PSMD3: variants seen among roughly 807,000 people sequenced by gnomAD.
PSMD3 encodes 26S proteasome non-ATPase regulatory subunit 3.
Under a neutral mutation model 62.8 loss-of-function variants are expected in PSMD3, and 5 were observed. The observed-to-expected ratio is 0.08, with a 90% confidence interval of 0.04 to 0.17. The LOEUF (loss-of-function observed/expected upper bound fraction) is 0.17. PSMD3 is among the 10% of genes least tolerant of loss of function. The pLI is 1.00. For missense variants in PSMD3, 524 were observed against 713.6 expected (o/e 0.73, Z 3.03); for synonymous variants, 265 against 283.9 (o/e 0.93, Z 0.67).
intron 3 of PSMD3, among the ~76,000 whole-genome samples, chr17:39,987,345 G>A (rs962123168): frequency 5.3e-5 from 8 of 152,174 alleles, no homozygotes; most frequent in African/African-American, 1.9e-4. Context: ...CACTATTTTT[G>A]GTTGTTGTTT....
intron 1 of PSMD3, among the ~76,000 whole-genome samples, chr17:39,983,172 A>G (rs1980428545): frequency 6.6e-6 from 1 of 151,908 alleles, no homozygotes; most frequent in Admixed American, 6.6e-5. Flanking sequence ...AGCTGGGATT[A>G]CGGTCACCCA....
chr17:39,994,767 G>T, intron 6 of PSMD3, 187 bp from the exon 7 acceptor site: 1 of 602,832 alleles, frequency 1.7e-6, no homozygotes, highest in South Asian at 2.0e-5. Context: ...CCAGCACCCG[G>T]CTCCAAAGGC....
chr17:39,997,657 G>C lies in PSMD3; in HGVS notation c.*76G>C, dbSNP rs933627755. On this transcript the variant is annotated 3_prime_UTR_variant, in exon 12 of 12. Coordinates refer to ENST00000264639, the MANE Select transcript of PSMD3 (RefSeq NM_002809.4). ...TTGGGGGTCCCCTGCCCAGGGCACTGTCCCCATTTTCCCACACACAGCTCA... is the reference window on the plus strand; with the variant it reads ...TTGGGGGTCCCCTGCCCAGGGCACTCTCCCCATTTTCCCACACACAGCTCA... 2.0e-6 allele frequency: 3 copies of C among 1,505,216 alleles called. No individual in the cohort carries two copies. Among genetic ancestry groups the C allele is most frequent in the Non-Finnish European group, 2.7e-6 (3 of 1,095,180 alleles). The allele number at this position is 1,505,216 out of a possible 1,614,324, so 93.2% of individuals were successfully genotyped here.
At position 39,981,173 on chromosome 17, in the gene PSMD3, A is replaced by G; in HGVS notation, c.203A>G (p.Asp68Gly). Residue 68 changes from aspartate (D) to glycine (G), a missense_variant, in exon 1 of 12, where the codon GAC (aspartate) becomes GGC (glycine). This residue lies in a region of PSMD3 where 396 missense variants were observed against 475.8 expected (regional missense o/e 0.83). Transcript: ENST00000264639. ...GCTGAGCACTCCCAGCGAGAGCTGG[A>G]CACAGTCACCTTGGAGGGTACGGCA... Reference protein sequence around the residue: ...AAAEHSQRELDTVTLEDIKEH... With the variant: ...AAAEHSQRELGTVTLEDIKEH... 6.4e-7 allele frequency: 1 copy of G among 1,550,910 alleles called. No homozygotes were observed. The highest frequency in any genetic ancestry group is 8.7e-7 in the Non-Finnish European group (1 of 1,146,862).
Position 39,986,731 on chromosome 17 carries a change from G to A in PSMD3, c.549+19G>A. ...CAAAGAGGTATCCAGGATGCAGTGA[G>A]AGCGATTCATAAGCCCCAAGTGATG... is the stretch of plus-strand genomic sequence containing the variant. On this transcript the variant is annotated intron_variant, in intron 3 of 11. Coordinates refer to ENST00000264639, the MANE Select transcript of PSMD3 (RefSeq NM_002809.4). The A allele has an allele frequency of 6.2e-7, 1 of 1,613,624 alleles. No homozygotes were observed. The highest frequency in any genetic ancestry group is 1.3e-5 in the African/African-American group (1 of 75,032).
In PSMD3 at chr17:39,988,827, C is replaced by G. The variant is rs765351294; in HGVS notation, c.686+8C>G. ...GCTGGATGTGGTGCGCAGGTACAGG[C>G]AGCCAAGCATCTCACTTGGGGTCCG... On this transcript the variant is annotated splice_region_variant and intron_variant, in intron 4 of 11. Transcript: ENST00000264639. 6.2e-7 allele frequency: 1 copy of G among 1,613,144 alleles called. No individual in the cohort carries two copies. Among genetic ancestry groups the G allele is most frequent in the Non-Finnish European group, 8.5e-7 (1 of 1,179,970 alleles).
At position 39,997,302 on chromosome 17, in the gene PSMD3, C is replaced by T. The variant is rs369763892; in HGVS notation, c.1477-28C>T. 13 of 1,612,380 alleles carry T rather than the reference C, an allele frequency of 8.1e-6. No homozygotes were observed. In the Admixed American group the frequency reaches 2.0e-4, roughly 25 times the overall value. On this transcript the variant is annotated intron_variant, in intron 10 of 11. Coordinates refer to ENST00000264639, the MANE Select transcript of PSMD3 (RefSeq NM_002809.4). ...GTGCCTCACCTGCTTCCTTCCCTCG[C>T]TCATCTCCTCTCTTTGCTGTGCCCC... is the stretch of plus-strand genomic sequence containing the variant.
chr17:39,990,221 C>A, intron 6 of PSMD3, 24 bp downstream of exon 6: 1 of 1,473,728 alleles, frequency 6.8e-7, no homozygotes, highest in South Asian at 1.3e-5. Flanking sequence ...ACCATCATCC[C>A]TTTGCCTCTT....
At position 39,984,376 on chromosome 17, in the gene PSMD3, G is replaced by C. The variant is rs1243391016; in HGVS notation, c.303G>C (p.Leu101=). ...PRFVLRALRM[L]PSTSRRLNHY... ...TCGTGCTGCGGGCCCTGCGGATGCT[G>C]CCTTCCACATCACGCCGCCTCAACC... Residue 101 remains leucine, a synonymous_variant, in exon 2 of 12, where the codon CTG becomes CTC. Coordinates refer to ENST00000264639, the MANE Select transcript of PSMD3 (RefSeq NM_002809.4). 1.9e-6 allele frequency: 3 copies of C among 1,613,706 alleles called. No individual in the cohort carries two copies. Among genetic ancestry groups the C allele is most frequent in the Non-Finnish European group, 2.5e-6 (3 of 1,180,042 alleles).
chr17:39,985,859 A>C (rs774027468), intron 2 of PSMD3, among the ~76,000 whole-genome samples: 37 of 152,232 alleles, frequency 2.4e-4, no homozygotes, highest in Non-Finnish European at 4.6e-4. Flanking sequence ...TTGTTCCCAC[A>C]AGAAACCATT....
chr17:39,988,835 C>A lies in PSMD3; in HGVS notation c.686+16C>A. ...TGGTGCGCAGGTACAGGCAGCCAAG[C>A]ATCTCACTTGGGGTCCGTGGGGTCA... On this transcript the variant is annotated intron_variant, in intron 4 of 11. Coordinates refer to ENST00000264639, the MANE Select transcript of PSMD3 (RefSeq NM_002809.4). The A allele has an allele frequency of 1.2e-6, 2 of 1,611,932 alleles. No homozygotes were observed. Among genetic ancestry groups the A allele is most frequent in the Non-Finnish European group, 1.7e-6 (2 of 1,179,786 alleles).
intron 2 of PSMD3, among the ~76,000 whole-genome samples, chr17:39,985,806 G>A (rs1246470672): frequency 6.6e-6 from 1 of 152,184 alleles, no homozygotes; most frequent in East Asian, 1.9e-4. Context: ...GACAACATAG[G>A]AAAATATGTT....
Position 39,996,399 on chromosome 17 carries a change from A to C in PSMD3, c.1476+61A>C. 1.3e-6 allele frequency: 2 copies of C among 1,567,310 alleles called. No individual in the cohort carries two copies. Among genetic ancestry groups the C allele is most frequent in the Non-Finnish European group, 1.7e-6 (2 of 1,149,850 alleles). On this transcript the variant is annotated intron_variant, in intron 10 of 11. Transcript: ENST00000264639. The surrounding 1 kb of genome is among the most constrained non-coding windows in gnomAD (Gnocchi z 5.1). Reference sequence around the variant, plus strand: ...GCAGCACACCCCTCCCTCCACACTCATGGATTCCTCAGAGAAGACTGGCTT... The same window carrying C: ...GCAGCACACCCCTCCCTCCACACTCCTGGATTCCTCAGAGAAGACTGGCTT...
At chr17:39,984,019 GA>G (rs1313179333) in intron 1 of PSMD3, among the ~76,000 whole-genome samples, 1 of 152,078 alleles carries the variant, frequency 6.6e-6, no homozygotes, top group Non-Finnish European at 1.5e-5. Flanking sequence ...CTAACACGGT[GA>G]AACCCCGTCT....
intron 4 of PSMD3, 97 bp downstream of exon 4, chr17:39,988,916 G>A (rs1980590019): frequency 1.3e-6 from 2 of 1,486,722 alleles, no homozygotes; most frequent in Admixed American, 1.7e-5. Context: ...CGAAGAACCT[G>A]TAGATGTAAG....
chr17:39,982,226 T>G (rs1980406823), intron 1 of PSMD3, among the ~76,000 whole-genome samples: 1 of 152,232 alleles, frequency 6.6e-6, no homozygotes, highest in African/African-American at 2.4e-5. Context: ...AGAGATCCTT[T>G]TACCTAAAGT....
intron 3 of PSMD3, 128 bp from the exon 4 acceptor site, chr17:39,988,555 T>C: frequency 9.1e-7 from 1 of 1,101,160 alleles, no homozygotes; most frequent in Non-Finnish European, 1.3e-6. Flanking sequence ...TACATGCTTT[T>C]ATGTGAGCCT....
At chr17:39,988,656 T>G (rs771628213) in intron 3 of PSMD3, 27 bp from the exon 4 acceptor site, 1 of 1,612,762 alleles carries the variant, frequency 6.2e-7, no homozygotes, top group East Asian at 2.2e-5. Flanking sequence ...GAACTGCCAC[T>G]TGATTCTCTT....
Position 39,996,129 on chromosome 17 carries a change from A to G in PSMD3, c.1321-54A>G, listed in dbSNP as rs776729514. ...GAGCGAGACTCCATCTCAAAAAAAA[A>G]AAAAAAGAAGAAGCTGGGTGTGCTG... On this transcript the variant is annotated intron_variant, in intron 9 of 11. Transcript: ENST00000264639. This position sits in a 1 kb window ranked among gnomAD's most constrained non-coding sequence, Gnocchi z 5.1. The G allele has an allele frequency of 1.9e-6, 3 of 1,607,694 alleles. No homozygotes were observed. The East Asian group carries it at 6.7e-5, about 36-fold the overall frequency.
Sources: allele counts gnomAD v4.1 joint callset (sites outside exome capture counted in the v4.1 genomes callset), GRCh38; gene constraint gnomAD v4.1.1; regional missense constraint gnomAD v4.1.1; non-coding constraint Gnocchi (gnomAD v3.1); transcripts MANE v1.5; gene names NCBI Gene and HGNC (gene_info 2026-07-23, HGNC 2026-07-21).